USP25: variants seen among roughly 807,000 people sequenced by gnomAD.
The protein encoded by USP25 is ubiquitin specific peptidase 25, also known as ubiquitin carboxyl-terminal hydrolase 25.
In USP25, 85 loss-of-function variants were observed where a neutral mutation model predicts 158.5. The observed-to-expected ratio is 0.54, with a 90% CI of 0.45 to 0.64. USP25 has a LOEUF of 0.64. Among genes scored for constraint, USP25 ranks in the 30% least tolerant of loss-of-function variants. USP25 has a pLI of 0.00. For missense variants in USP25, 1,242 were observed against 1,327.3 expected, an observed-to-expected ratio of 0.94 and a Z score of 1.00; for synonymous variants, 464 against 460.4, an observed-to-expected ratio of 1.01 and a Z score of -0.10.
At chr21:15,876,259 T>C (rs2040093726) in intron 24 of USP25, 1 of 152,220 alleles carries the variant, frequency 6.6e-6, no homozygotes, top group South Asian at 2.1e-4. Context: ...AAAATTGTAG[T>C]AAATACTTGA....
intron 5 of USP25, among the ~76,000 whole-genome samples, chr21:15,795,642 A>G (rs982199808): frequency 1.3e-5 from 2 of 151,450 alleles, no homozygotes; most frequent in Admixed American, 6.6e-5. Flanking sequence ...GTAGCTCTCA[A>G]TCATCTCTCC....
At chr21:15,850,064 C>T (rs1471664024) in intron 20 of USP25, among the ~76,000 whole-genome samples, 192 bp downstream of exon 20, 3 of 151,552 alleles carry the variant, frequency 2.0e-5, no homozygotes, top group African/African-American at 7.3e-5. Context: ...TCTCTTAATC[C>T]AGGTAATTCA....
Position 15,842,468 on chromosome 21 carries a change from A to G in USP25, c.2265A>G (p.Glu755=). ...GTGATTTCTCAAAGCACTTGAAAGA[A>G]GAAACTATTCAAATAATTACCAAGG... ...SRSDFSKHLK[E]ETIQIITKAS... The change falls in exon 18 of 26, where the codon GAA becomes GAG. Residue 755 remains glutamate (E), a synonymous_variant. Coordinates refer to ENST00000400183, the MANE Select transcript of USP25 (RefSeq NM_001283041.3). 2.5e-6 allele frequency: 4 copies of G among 1,613,844 alleles called. No individual in the cohort carries two copies. The highest frequency in any genetic ancestry group is 3.4e-6 in the Non-Finnish European group (4 of 1,179,800).
intron 4 of USP25, among the ~76,000 whole-genome samples, chr21:15,787,273 C>T (rs1174034227): frequency 6.6e-6 from 1 of 152,004 alleles, no homozygotes; most frequent in Non-Finnish European, 1.5e-5. Context: ...CATGTGGAAC[C>T]ACAAGAGAGC....
intron 17 of USP25, among the ~76,000 whole-genome samples, chr21:15,841,017 G>C (rs1322065340): frequency 2.0e-5 from 3 of 152,146 alleles, no homozygotes; most frequent in Non-Finnish European, 4.4e-5. Flanking sequence ...TATTACTCAT[G>C]GGCATTGAAA....
chr21:15,731,624 G>A (rs2030914908), intron 1 of USP25, among the ~76,000 whole-genome samples: 1 of 152,202 alleles, frequency 6.6e-6, no homozygotes, highest in Non-Finnish European at 1.5e-5. Flanking sequence ...AGCAAGGATA[G>A]TGCATTGTTA....
At chr21:15,841,008 A>G (rs895115938) in intron 17 of USP25, among the ~76,000 whole-genome samples, 5 of 152,196 alleles carry the variant, frequency 3.3e-5, no homozygotes, top group East Asian at 1.9e-4. Context: ...TTCTTTATCT[A>G]TTACTCATGG....
intron 5 of USP25, among the ~76,000 whole-genome samples, chr21:15,793,273 A>G (rs965090247): frequency 5.9e-5 from 9 of 151,624 alleles, no homozygotes; most frequent in Non-Finnish European, 4.4e-5. Context: ...TTATTTCTCT[A>G]TCCTGTATGT....
At chr21:15,742,419 A>G (rs2032150637) in intron 1 of USP25, among the ~76,000 whole-genome samples, 1 of 152,214 alleles carries the variant, frequency 6.6e-6, no homozygotes, top group Non-Finnish European at 1.5e-5. Flanking sequence ...ATTCACATAT[A>G]CAAAAGTTTT....
At chr21:15,818,983 G>C (rs559946115) in intron 10 of USP25, 137 bp downstream of exon 10, 1 of 1,088,964 alleles carries the variant, frequency 9.2e-7, no homozygotes, top group Non-Finnish European at 1.3e-6. Context: ...GATTTAATTG[G>C]TAATTTAGAC....
Position 15,878,369 on chromosome 21 carries a change from G to T in USP25, c.3272G>T (p.Ser1091Ile). 1 of 1,614,006 alleles carries T rather than the reference G, an allele frequency of 6.2e-7. No homozygotes were observed. Among genetic ancestry groups the T allele is most frequent in the Non-Finnish European group, 8.5e-7 (1 of 1,179,952 alleles). Residue 1091 changes from serine to isoleucine, a missense_variant, in exon 26 of 26, where the codon AGT becomes ATT. Ser to Ile is a moderately radical substitution (Grantham distance 142). Around this residue, in one of 3 missense-constraint regions of USP25, gnomAD observed 608 missense variants for 605.2 expected, o/e 1.00. Coordinates refer to ENST00000400183, the MANE Select transcript of USP25 (RefSeq NM_001283041.3). ...KLLDCSMEIK[S>I]FHEPPKLPSY... ...CTTGATTGTTCTATGGAGATTAAAAGTTTCCATGAGCCACCGAAGTTACCT... is the reference window on the plus strand; with the variant it reads ...CTTGATTGTTCTATGGAGATTAAAATTTTCCATGAGCCACCGAAGTTACCT...
chr21:15,817,711 G>A (rs372099385), intron 9 of USP25, among the ~76,000 whole-genome samples: 4 of 152,072 alleles, frequency 2.6e-5, no homozygotes, highest in African/African-American at 9.7e-5. Context: ...AAGCCAAAGG[G>A]GAAACCCCTT....
At chr21:15,864,827 T>C (rs2039586782) in intron 21 of USP25, among the ~76,000 whole-genome samples, 1 of 152,136 alleles carries the variant, frequency 6.6e-6, no homozygotes, top group Non-Finnish European at 1.5e-5. Flanking sequence ...ATCTCTTCGT[T>C]AGATGACAGT....
intron 20 of USP25, among the ~76,000 whole-genome samples, chr21:15,862,450 C>A (rs1248915947): frequency 1.3e-5 from 2 of 151,984 alleles, no homozygotes; most frequent in Non-Finnish European, 2.9e-5. Context: ...CAACCTGTAG[C>A]CTGTGACAAT....
intron 1 of USP25, among the ~76,000 whole-genome samples, chr21:15,757,050 T>G (rs927476518): frequency 6.6e-6 from 1 of 152,124 alleles, no homozygotes; most frequent in Non-Finnish European, 1.5e-5. Context: ...GTTTCATAAA[T>G]GGGAAGGTAC....
intron 7 of USP25, among the ~76,000 whole-genome samples, chr21:15,807,536 C>T (rs953938520): frequency 6.6e-6 from 1 of 152,170 alleles, no homozygotes; most frequent in Non-Finnish European, 1.5e-5. Flanking sequence ...AAGGTGTTGG[C>T]AGGGCCACAC....
chr21:15,839,683 T>C (rs1016448022), intron 17 of USP25, among the ~76,000 whole-genome samples: 1 of 152,144 alleles, frequency 6.6e-6, no homozygotes, highest in African/African-American at 2.4e-5. Context: ...CAAAACCTCT[T>C]TTTTTGTCTT....
At chr21:15,864,158 C>CAAA (rs878887662) in intron 20 of USP25, 110 bp from the exon 21 acceptor site, 31 of 933,138 alleles carry the variant, frequency 3.3e-5, no homozygotes, top group African/African-American at 1.8e-4. Flanking sequence ...CTTTAAAAGC[C>CAAA]AAAAAAAAAA....
Position 15,826,911 on chromosome 21 carries a change from G to T in USP25, c.1467-66G>T. Reference sequence around the variant, plus strand: ...CAAGCCAATTTAATACTGTGGGTTTGGCACGATCTTTGTCAAGAGTTTCAG... The same window carrying T: ...CAAGCCAATTTAATACTGTGGGTTTTGCACGATCTTTGTCAAGAGTTTCAG... On this transcript the variant is annotated intron_variant, in intron 13 of 25. Transcript: ENST00000400183. The surrounding 1 kb of genome is among the most constrained non-coding windows in gnomAD (Gnocchi z 4.8). The T allele has an allele frequency of 6.5e-7, 1 of 1,539,080 alleles. No individual in the cohort carries two copies. Among genetic ancestry groups the T allele is most frequent in the South Asian group, 1.1e-5 (1 of 88,302 alleles).
Sources: gnomAD v4.1 joint callset for allele counts (sites outside exome capture counted in the v4.1 genomes callset) on GRCh38, gnomAD v4.1.1 for gene constraint, gnomAD v4.1.1 regional missense constraint, Gnocchi (gnomAD v3.1) non-coding constraint, MANE v1.5 for transcripts, NCBI Gene and HGNC (gene_info 2026-07-23, HGNC 2026-07-21) for gene names.